Variants in ADD2 observed in about 807,000 individuals in gnomAD.
ADD2 encodes the protein adducin 2, also known as beta-adducin.
ADD2 carries 23 observed loss-of-function variants against 83.0 expected under a neutral mutation model. The observed-to-expected ratio is 0.28, with a 90% confidence interval of 0.20 to 0.39. The LOEUF is 0.39. ADD2 is among the 10% of genes least tolerant of loss of function. The probability of loss-of-function intolerance (pLI) is 1.00; values close to 1 mark genes in which losing one functional copy is unlikely to be tolerated. For synonymous variants in ADD2, 375 were observed against 375.4 expected (o/e 1.00, Z 0.01); for missense variants, 758 against 944.9 (o/e 0.80, Z 2.59).
intron 1 of ADD2, among the ~76,000 whole-genome samples, chr2:70,719,324 A>G (rs1483971674): frequency 6.6e-6 from 1 of 152,194 alleles, no homozygotes; most frequent in Non-Finnish European, 1.5e-5. Flanking sequence ...ATGCAATCGT[A>G]ATCCCATTTC....
chr2:70,685,337 C>G (rs1462409771), intron 9 of ADD2, among the ~76,000 whole-genome samples: 1 of 152,154 alleles, frequency 6.6e-6, no homozygotes, highest in East Asian at 1.9e-4. Context: ...CTGAGGTCAG[C>G]CAGGCAGCCC....
intron 1 of ADD2, among the ~76,000 whole-genome samples, chr2:70,730,584 C>T (rs1447536156): frequency 6.6e-6 from 1 of 152,218 alleles, no homozygotes; most frequent in Non-Finnish European, 1.5e-5. Context: ...TACACATCCT[C>T]CCCTACTCCT....
At chr2:70,757,350 A>G (rs1190431461) in intron 1 of ADD2, among the ~76,000 whole-genome samples, 1 of 151,928 alleles carries the variant, frequency 6.6e-6, no homozygotes, top group African/African-American at 2.4e-5. Context: ...GTCCTATTTG[A>G]TTCATTAAGT....
At chr2:70,754,261 C>A (rs1553383451) in intron 1 of ADD2, among the ~76,000 whole-genome samples, 4 of 152,126 alleles carry the variant, frequency 2.6e-5, no homozygotes, top group Non-Finnish European at 1.5e-5. Context: ...GCTTGGAAAC[C>A]AATCGAATTG....
rs1437780722 is a variant in ADD2 at position 70,657,547 on chromosome 2, G to C, written c.*5878C>G. 3 of 152,140 alleles carry C rather than the reference G, an allele frequency of 2.0e-5. No homozygotes were observed. Among genetic ancestry groups the C allele is most frequent in the Non-Finnish European group, 4.4e-5 (3 of 68,030 alleles). 9.4% of individuals were successfully genotyped at this position (152,140 alleles called of 1,614,324 possible). A position where few individuals can be genotyped will look rare whatever the true frequency, so the allele number is the denominator to read the frequency against. On this transcript the variant is annotated 3_prime_UTR_variant, in exon 16 of 16. Transcript: ENST00000264436. Reference sequence around the variant, plus strand: ...GGACCAACAGGTGTGAGGTGGAGTGGAAGTGTGGGGGTGGGGTTCCCTGAA... The same window carrying C: ...GGACCAACAGGTGTGAGGTGGAGTGCAAGTGTGGGGGTGGGGTTCCCTGAA...
intron 10 of ADD2, among the ~76,000 whole-genome samples, chr2:70,680,705 C>T (rs1044335335): frequency 6.6e-6 from 1 of 152,140 alleles, no homozygotes; most frequent in Non-Finnish European, 1.5e-5. Flanking sequence ...TTTAAAAACA[C>T]GGATTATGCT....
intron 4 of ADD2, 58 bp downstream of exon 4, chr2:70,704,263 T>TGCCCCCCCCCCCCCACCC: frequency 5.5e-6 from 5 of 913,238 alleles, no homozygotes; most frequent in African/African-American, 1.7e-5. Flanking sequence ...CTCCCTCTCT[T>TGCCCCCCCCCCCCCACCC]CCCCACCCCA....
intron 1 of ADD2, among the ~76,000 whole-genome samples, chr2:70,719,459 T>C (rs944935660): frequency 6.6e-6 from 1 of 152,176 alleles, no homozygotes; most frequent in African/African-American, 2.4e-5. Flanking sequence ...GCTCCAGCAC[T>C]GGGCTTTAAC....
intron 7 of ADD2, among the ~76,000 whole-genome samples, chr2:70,692,164 T>C (rs1421460329): frequency 6.6e-6 from 1 of 152,222 alleles, no homozygotes; most frequent in African/African-American, 2.4e-5. Context: ...ACTTAGCAGG[T>C]ACTGCTTGTG....
rs113825310 is a variant in ADD2, at chr2:70,684,930, T to A, written c.949-1163A>T. On this transcript the variant is annotated intron_variant, in intron 9 of 15. Coordinates refer to ENST00000264436, the MANE Select transcript of ADD2 (RefSeq NM_001617.4). The stretch of plus-strand genomic sequence containing the variant: ...TTAATCTAACAAATCCCCTTTTTTT[T>A]AAATTCTGTGCTTATCTAATGGTAC... 2.6e-3 allele frequency among the ~76,000 whole-genome samples: 394 copies of A among 152,334 alleles called. 2 individuals are homozygous for A. The highest frequency in any genetic ancestry group is 9.0e-3 in the African/African-American group (373 of 41,570).
At chr2:70,713,456 CA>C (rs1179243712) in intron 1 of ADD2, among the ~76,000 whole-genome samples, 4 of 152,044 alleles carry the variant, frequency 2.6e-5, no homozygotes, top group Non-Finnish European at 5.9e-5. Flanking sequence ...ACTAAAAATA[CA>C]AAAATTAGCT....
intron 3 of ADD2, among the ~76,000 whole-genome samples, chr2:70,705,041 G>A (rs1197509479): frequency 6.6e-6 from 1 of 152,082 alleles, no homozygotes; most frequent in African/African-American, 2.4e-5. Context: ...GAAATGGGGG[G>A]CCACTTAGGT....
At chr2:70,671,379 A>G (rs1000055079) in intron 15 of ADD2, among the ~76,000 whole-genome samples, 1 of 152,130 alleles carries the variant, frequency 6.6e-6, no homozygotes, top group Non-Finnish European at 1.5e-5. Flanking sequence ...TCATGTAGAG[A>G]AGCCTAATCC....
intron 1 of ADD2, among the ~76,000 whole-genome samples, chr2:70,733,445 T>C (rs55668137): frequency 0.056 from 8,554 of 152,316 alleles, 395 homozygotes; most frequent in Non-Finnish European, 0.08. Context: ...AAGGTTTGGA[T>C]TGCAGAGGCT....
At chr2:70,767,792 A>G in intron 1 of ADD2, 94 bp downstream of exon 1, 1 of 1,502,278 alleles carries the variant, frequency 6.7e-7, no homozygotes, top group Non-Finnish European at 8.9e-7. Context: ...ACCTGGGCCA[A>G]GCGGCTCCCG....
rs200115626 is a variant in ADD2, at chr2:70,703,176, AAAAGG to A, written c.322+1140_322+1144del. ...AGAAGAAAAGAAAAGAAAGAAAAGA[AAAAGG>A]AAAGGAAAGGAAGAAGAAAAGAAAA... is the stretch of plus-strand genomic sequence containing the variant. On this transcript the variant is annotated intron_variant, in intron 4 of 15. Coordinates refer to ENST00000264436, the MANE Select transcript of ADD2 (RefSeq NM_001617.4). Among the ~76,000 whole-genome samples the A allele has an allele frequency of 2.6e-5, 4 of 152,008 alleles. No individual in the cohort carries two copies. The East Asian group carries it at 5.8e-4, about 22-fold the overall frequency.
chr2:70,661,961 C>T lies in ADD2; in HGVS notation c.*1464G>A, dbSNP rs1553365055. 1 of 152,120 alleles carries T rather than the reference C, an allele frequency of 6.6e-6. No individual in the cohort carries two copies. The highest frequency in any genetic ancestry group is 2.4e-5 in the African/African-American group (1 of 41,416). 9.4% of individuals were successfully genotyped at this position (152,120 alleles called of 1,614,324 possible). ...CACCCACAAAATGGGAATGATCTTA[C>T]CCCCCTCAAAGGATTACTGTGAGGG... is the stretch of plus-strand genomic sequence containing the variant. On this transcript the variant is annotated 3_prime_UTR_variant, in exon 16 of 16. Transcript: ENST00000264436.
chr2:70,664,353 T>C (rs1675669285), intron 15 of ADD2, among the ~76,000 whole-genome samples: 1 of 152,076 alleles, frequency 6.6e-6, no homozygotes, highest in African/African-American at 2.4e-5. Context: ...GGCCCCCAGG[T>C]CTTTATTCCA....
chr2:70,713,973 A>C (rs572933828), intron 1 of ADD2, among the ~76,000 whole-genome samples: 7 of 152,126 alleles, frequency 4.6e-5, no homozygotes, highest in Admixed American at 4.6e-4. Context: ...CAGGCTGTCC[A>C]TGGGTGAATT....
Sources: gnomAD v4.1 joint callset for allele counts (sites outside exome capture counted in the v4.1 genomes callset) on GRCh38, gnomAD v4.1.1 for gene constraint, MANE v1.5 for transcripts, NCBI Gene and HGNC (gene_info 2026-07-23, HGNC 2026-07-21) for gene names.